The following IFIH1 variants were observed in gnomAD, a reference collection of about 807,000 sequenced individuals.
IFIH1 encodes interferon-induced helicase C domain-containing protein 1.
A neutral mutation model predicts 107.4 loss-of-function variants in IFIH1; 125 were observed. The observed-to-expected ratio is 1.16, with a 90% CI of 1.01 to 1.35. The LOEUF (loss-of-function observed/expected upper bound fraction) is 1.35, where lower values mean the gene tolerates loss of function less well. Ranked by LOEUF, IFIH1 falls within the 40% of genes most tolerant of loss-of-function variation. The probability of loss-of-function intolerance (pLI) is 0.00; values close to 1 mark genes in which losing one functional copy is unlikely to be tolerated. For synonymous variants in IFIH1, 458 were observed against 413.2 expected, an observed-to-expected ratio of 1.11 and a Z score of -1.31; for missense variants, 1,333 against 1,213.7, an observed-to-expected ratio of 1.10 and a Z score of -1.46.
At position 162,318,339 on chromosome 2, in the gene IFIH1, C is replaced by CCTT; in HGVS notation, c.-33_-32insAAG. 6.4e-7 allele frequency: 1 copy of CCTT among 1,566,448 alleles called. No homozygotes were observed. Among genetic ancestry groups the CCTT allele is most frequent in the East Asian group, 2.2e-5 (1 of 44,544 alleles). On this transcript the variant is annotated 5_prime_UTR_variant, in exon 1 of 16. Coordinates refer to ENST00000649979, the MANE Select transcript of IFIH1 (RefSeq NM_022168.4). ...TTCTCAGAGAAGGGAGAGGGTTCTCCCAAGCAGATGGTGCTGTTGTCTGCG... is the reference window on the plus strand; with the variant it reads ...TTCTCAGAGAAGGGAGAGGGTTCTCCCTTCAAGCAGATGGTGCTGTTGTCTGCG...
intron 3 of IFIH1, among the ~76,000 whole-genome samples, chr2:162,305,335 C>T (rs1363863898): frequency 1.3e-5 from 2 of 151,974 alleles, no homozygotes; most frequent in Admixed American, 6.6e-5. Context: ...TTTGGGAGGC[C>T]GAGTGGGGGG....
In IFIH1 at chr2:162,318,412, C is replaced by G; in HGVS notation, c.-105G>C. 3.3e-6 allele frequency: 3 copies of G among 919,274 alleles called. No homozygotes were observed. 56.9% of individuals were successfully genotyped at this position (919,274 alleles called of 1,614,324 possible). A position where few individuals can be genotyped will look rare whatever the true frequency, so the allele number is the denominator to read the frequency against. Reference sequence around the variant, plus strand: ...GCTGTCCGCTGCCCACTTAGAGAAGCAGGGTCTACCGCTCTGTGCCTGACA... The same window carrying G: ...GCTGTCCGCTGCCCACTTAGAGAAGGAGGGTCTACCGCTCTGTGCCTGACA... On this transcript the variant is annotated 5_prime_UTR_variant, in exon 1 of 16. Transcript: ENST00000649979.
At chr2:162,281,268 G>A in intron 7 of IFIH1, 60 bp downstream of exon 7, 1 of 1,306,996 alleles carries the variant, frequency 7.7e-7, no homozygotes, top group Non-Finnish European at 1.1e-6. Context: ...ATAAGACCAA[G>A]AAGTCCTGGC....
rs1409888646 is a variant in IFIH1, at chr2:162,273,942, A to G, written c.2307T>C (p.Asn769=). 1 of 1,583,782 alleles carries G rather than the reference A, an allele frequency of 6.3e-7. No individual in the cohort carries two copies. The highest frequency in any genetic ancestry group is 8.6e-7 in the Non-Finnish European group (1 of 1,156,960). ...HSSEFKPMTQ[N]EQKEVISKFR... ...ATTTACTAATGACTTCTTTTTGTTCATTCTGTAGAAACATTTTAATAAATT... is the reference window on the plus strand; with the variant it reads ...ATTTACTAATGACTTCTTTTTGTTCGTTCTGTAGAAACATTTTAATAAATT... Residue 769 remains asparagine (N), a splice_region_variant and synonymous_variant, in exon 12 of 16, where the codon AAT becomes AAC. Coordinates refer to ENST00000649979, the MANE Select transcript of IFIH1 (RefSeq NM_022168.4).
intron 1 of IFIH1, among the ~76,000 whole-genome samples, chr2:162,315,886 A>G (rs1683482074): frequency 6.6e-6 from 1 of 152,222 alleles, no homozygotes; most frequent in South Asian, 2.1e-4. Context: ...ACACTCTCAC[A>G]GAGAAACTAT....
chr2:162,274,062 C>T, intron 11 of IFIH1, 118 bp from the exon 12 acceptor site: 1 of 642,134 alleles, frequency 1.6e-6, no homozygotes, highest in East Asian at 3.1e-5. Flanking sequence ...TTAGATCATA[C>T]ATGGATTTGT....
chr2:162,291,115 C>A (rs1682990340), intron 4 of IFIH1, among the ~76,000 whole-genome samples: 1 of 151,724 alleles, frequency 6.6e-6, no homozygotes, highest in East Asian at 1.9e-4. Context: ...ACTGTGCCCT[C>A]CCTCTACAAC....
intron 3 of IFIH1, among the ~76,000 whole-genome samples, chr2:162,306,198 GT>G (rs1345286906): frequency 6.6e-6 from 1 of 152,180 alleles, no homozygotes; most frequent in Non-Finnish European, 1.5e-5. Flanking sequence ...GGACATGGTA[GT>G]CTTCAGTCCT....
chr2:162,281,375 C>CT lies in IFIH1; in HGVS notation c.1476_1477insA (p.Val493SerfsTer11). 6.2e-7 allele frequency: 1 copy of CT among 1,612,766 alleles called. No individual in the cohort carries two copies. Among genetic ancestry groups the CT allele is most frequent in the Non-Finnish European group, 8.5e-7 (1 of 1,179,144 alleles). ...TTGGCTTGCTTCGTGGCCCCTCCAACACCAGGTGAAGCTGTTAGTCCCAGT... is the reference window on the plus strand; with the variant it reads ...TTGGCTTGCTTCGTGGCCCCTCCAACTACCAGGTGAAGCTGTTAGTCCCAGT... On this transcript the variant is annotated frameshift_variant, in exon 7 of 16. Transcript: ENST00000649979. LOFTEE classifies it high-confidence loss of function.
At position 162,267,309 on chromosome 2, in the gene IFIH1, A is replaced by G; in HGVS notation, c.2969T>C (p.Val990Ala). ...TTTCTTTGTTGAATTATTTTTGAAA[A>G]CCACTACAAAATTCCTTATTTTGAG... ...PCLKIRNFVV[V>A]FKNNSTKKQY... Residue 990 changes from valine to alanine, a missense_variant, in exon 16 of 16, where the codon GTT becomes GCT. Coordinates refer to ENST00000649979, the MANE Select transcript of IFIH1 (RefSeq NM_022168.4). The G allele has an allele frequency of 6.2e-7, 1 of 1,612,412 alleles. No homozygotes were observed. The highest frequency in any genetic ancestry group is 1.3e-5 in the African/African-American group (1 of 74,944).
Position 162,268,081 on chromosome 2 carries a change from A to T in IFIH1, c.2807+6T>A. ...AAAATGTAAAAATGGGTCTTTCTGGACTCACTTGAATTCTGGGGTCATATT... is the reference window on the plus strand; with the variant it reads ...AAAATGTAAAAATGGGTCTTTCTGGTCTCACTTGAATTCTGGGGTCATATT... On this transcript the variant is annotated splice_donor_region_variant and intron_variant, in intron 14 of 15. Transcript: ENST00000649979. 1 of 1,579,820 alleles carries T rather than the reference A, an allele frequency of 6.3e-7. No individual in the cohort carries two copies. The highest frequency in any genetic ancestry group is 8.6e-7 in the Non-Finnish European group (1 of 1,163,360).
rs2105201962 is a variant in IFIH1 at position 162,281,468 on chromosome 2, A to C, written c.1384T>G (p.Leu462Val). The C allele has an allele frequency of 6.2e-7, 1 of 1,612,296 alleles. No homozygotes were observed. Among genetic ancestry groups the C allele is most frequent in the Non-Finnish European group, 8.5e-7 (1 of 1,178,854 alleles). ...AVYNNIMRHY[L>V]MQKLKNNRLK... ...CTATTGTTTTTCAACTTCTGCATCA[A>C]ATAATGCCTCATGATGTTATTATAC... The change falls in exon 7 of 16, where the codon TTG becomes GTG. Residue 462 changes from leucine to valine, a missense_variant. Leu to Val is a conservative substitution (Grantham distance 32, BLOSUM62 1). Coordinates refer to ENST00000649979, the MANE Select transcript of IFIH1 (RefSeq NM_022168.4).
At chr2:162,306,108 T>C (rs568065128) in intron 3 of IFIH1, among the ~76,000 whole-genome samples, 1 of 152,324 alleles carries the variant, frequency 6.6e-6, no homozygotes, top group Admixed American at 6.5e-5. Flanking sequence ...AGGTGGATTC[T>C]CCTATCACGA....
intron 3 of IFIH1, among the ~76,000 whole-genome samples, chr2:162,305,597 G>A (rs555375610): frequency 1.8e-4 from 27 of 150,792 alleles, no homozygotes; most frequent in Admixed American, 6.6e-4. Flanking sequence ...AAAATAAAAT[G>A]AAATTAAAAA....
In IFIH1 at chr2:162,268,164, G is replaced by T. The variant is rs775467204; in HGVS notation, c.2730C>A (p.Cys910Ter). Residue 910 changes from cysteine (C) to a stop codon, truncating the protein, a stop_gained, in exon 14 of 16, where the codon TGC becomes TGA. Transcript: ENST00000649979. LOFTEE classifies it high-confidence loss of function. Reference sequence around the variant, plus strand: ...CTTCCCCAGAACAGGCTAGCACACTGCAGTTTTTGCAAAGGAAAGTTATTA... The same window carrying T: ...CTTCCCCAGAACAGGCTAGCACACTTCAGTTTTTGCAAAGGAAAGTTATTA... The part of the protein sequence containing the change: ...PSLITFLCKN[C>*]SVLACSGEDI... The T allele has an allele frequency of 7.4e-6, 12 of 1,613,462 alleles. No individual in the cohort carries two copies. In the South Asian group the frequency reaches 1.1e-4, roughly 15 times the overall value.
Position 162,276,792 on chromosome 2 carries a change from C to A in IFIH1, c.2199G>T (p.Ala733=), listed in dbSNP as rs370474318. 6.2e-7 allele frequency: 1 copy of A among 1,613,850 alleles called. No individual in the cohort carries two copies. The highest frequency in any genetic ancestry group is 8.5e-7 in the Non-Finnish European group (1 of 1,179,934). ...CATTTTCAGTAATCCACTGGGAAAG[C>A]GCATATGCACTCTGTCGTGTTTTTG... ...IFTKTRQSAY[A]LSQWITENEK... is the part of the protein sequence containing the mutation. Residue 733 remains alanine (A), a synonymous_variant, in exon 11 of 16, where the codon GCG becomes GCT. Transcript: ENST00000649979.
chr2:162,300,086 C>T (rs1169126643), intron 3 of IFIH1, among the ~76,000 whole-genome samples: 2 of 152,112 alleles, frequency 1.3e-5, no homozygotes, highest in African/African-American at 4.8e-5. Flanking sequence ...TCTCTTTTAC[C>T]ATGGCTAGAT....
intron 2 of IFIH1, among the ~76,000 whole-genome samples, chr2:162,309,540 T>C (rs1683354160): frequency 6.6e-6 from 1 of 152,192 alleles, no homozygotes; most frequent in African/African-American, 2.4e-5. Flanking sequence ...TCTCATTCTG[T>C]CCTGCTTTCT....
intron 3 of IFIH1, among the ~76,000 whole-genome samples, chr2:162,302,701 A>G (rs1388826217): frequency 6.6e-6 from 1 of 152,272 alleles, no homozygotes; most frequent in East Asian, 1.9e-4. Context: ...AGTTATTAAT[A>G]TCAGTAATTC....
Sources: gnomAD v4.1 joint callset for allele counts (sites outside exome capture counted in the v4.1 genomes callset) on GRCh38, gnomAD v4.1.1 for gene constraint, MANE v1.5 for transcripts, NCBI Gene and HGNC (gene_info 2026-07-23, HGNC 2026-07-21) for gene names.